AKAP19: variants seen among roughly 807,000 people sequenced by gnomAD.
AKAP19 encodes the protein small A-kinase anchoring protein.
At chr2:189,903,972 T>C in the AKAP19 span, among the ~76,000 whole-genome samples, 2 of 152,136 alleles carry the variant, frequency 1.3e-5, no homozygotes, top group Non-Finnish European at 2.9e-5. Context: ...ATTATGTGTA[T>C]AACTTGTAGA....
At chr2:190,180,555 C>A in the AKAP19 span, 1 of 985,820 alleles carries the variant, frequency 1.0e-6, no homozygotes, top group Non-Finnish European at 1.2e-6. The surrounding 1 kb of genome is among the most constrained non-coding windows in gnomAD (Gnocchi z 6.8). Context: ...CGCTGCGGCG[C>A]CGGCAGCTGC....
the AKAP19 span, among the ~76,000 whole-genome samples, chr2:190,176,199 A>G: frequency 1.3e-5 from 2 of 152,228 alleles, no homozygotes; most frequent in Non-Finnish European, 2.9e-5. The surrounding 1 kb of genome is among the most constrained non-coding windows in gnomAD (Gnocchi z 4.7). Context: ...ATGATTTGCA[A>G]TTTGATTCTG....
chr2:189,899,677 T>A, the AKAP19 span, among the ~76,000 whole-genome samples: 1 of 152,238 alleles, frequency 6.6e-6, no homozygotes, highest in South Asian at 2.1e-4. Flanking sequence ...GTTGCCCTTT[T>A]TCATCTCTGT....
the AKAP19 span, among the ~76,000 whole-genome samples, chr2:190,005,523 A>C: frequency 3.3e-5 from 5 of 152,326 alleles, no homozygotes; most frequent in South Asian, 4.1e-4. Flanking sequence ...CCTCAGCCTC[A>C]TTCCACTTCT....
the AKAP19 span, among the ~76,000 whole-genome samples, chr2:190,077,350 C>A: frequency 2.6e-5 from 4 of 151,966 alleles, no homozygotes; most frequent in African/African-American, 9.7e-5. Flanking sequence ...GTTGGGATTA[C>A]AGGTGCCTGC....
At chr2:189,993,698 G>T in the AKAP19 span, among the ~76,000 whole-genome samples, 3 of 151,932 alleles carry the variant, frequency 2.0e-5, no homozygotes, top group African/African-American at 7.3e-5. Flanking sequence ...CTTGTTATTT[G>T]TCTGTTCAGT....
chr2:190,071,771 T>G, the AKAP19 span, among the ~76,000 whole-genome samples: 4 of 152,090 alleles, frequency 2.6e-5, no homozygotes, highest in Non-Finnish European at 4.4e-5. Flanking sequence ...GGGTTTATAA[T>G]GTACACAAGA....
the AKAP19 span, among the ~76,000 whole-genome samples, chr2:190,038,907 C>CTTTCTTTCTTTCTTTCTTTCT: frequency 4.2e-4 from 32 of 75,972 alleles, no homozygotes; most frequent in African/African-American, 2.9e-3. Context: ...TTTCTTTCTT[C>CTTTCTTTCTTTCTTTCTTTCT]TTCTTCTTCT....
At chr2:190,098,181 G>A in the AKAP19 span, among the ~76,000 whole-genome samples, 468 of 152,150 alleles carry the variant, frequency 3.1e-3, 5 homozygotes, top group African/African-American at 0.011. Context: ...ACTTTGCCCA[G>A]ATTTATCAGA....
At chr2:190,095,048 C>T in the AKAP19 span, among the ~76,000 whole-genome samples, 1 of 152,124 alleles carries the variant, frequency 6.6e-6, no homozygotes, top group African/African-American at 2.4e-5. Context: ...TATGGTGAAA[C>T]CCCATCTCTA....
chr2:189,941,261 C>A, the AKAP19 span, among the ~76,000 whole-genome samples: 2 of 152,050 alleles, frequency 1.3e-5, no homozygotes, highest in African/African-American at 4.8e-5. Context: ...CAAGCTAACA[C>A]GTGAAAAGAA....
At chr2:189,987,566 C>T in the AKAP19 span, among the ~76,000 whole-genome samples, 5 of 152,152 alleles carry the variant, frequency 3.3e-5, no homozygotes, top group Non-Finnish European at 5.9e-5. Context: ...TCTCCTATTC[C>T]CACTCTGTCC....
chr2:190,025,991 CTT>C, the AKAP19 span, among the ~76,000 whole-genome samples: 1 of 152,286 alleles, frequency 6.6e-6, no homozygotes, highest in East Asian at 1.9e-4. Context: ...GTCTTCATGA[CTT>C]TGAGCATTCT....
At chr2:190,180,557 G>A in the AKAP19 span, 1 of 985,820 alleles carries the variant, frequency 1.0e-6, no homozygotes, top group South Asian at 4.7e-5. The surrounding 1 kb of genome is among the most constrained non-coding windows in gnomAD (Gnocchi z 6.8). Context: ...CTGCGGCGCC[G>A]GCAGCTGCTT....
At chr2:189,883,985 A>G in the AKAP19 span, among the ~76,000 whole-genome samples, 3 of 152,212 alleles carry the variant, frequency 2.0e-5, no homozygotes, top group African/African-American at 7.2e-5. Flanking sequence ...ATATTCAGAT[A>G]GAATTTTCTA....
the AKAP19 span, among the ~76,000 whole-genome samples, chr2:190,176,559 A>G: frequency 6.6e-6 from 1 of 152,182 alleles, no homozygotes; most frequent in Non-Finnish European, 1.5e-5. The surrounding 1 kb of genome is among the most constrained non-coding windows in gnomAD (Gnocchi z 4.7). Context: ...TATGTTGGCC[A>G]GGCTGGTCTC....
chr2:190,105,640 T>G, the AKAP19 span, among the ~76,000 whole-genome samples: 2 of 152,224 alleles, frequency 1.3e-5, no homozygotes, highest in African/African-American at 2.4e-5. Flanking sequence ...CTTCTTTACC[T>G]GAATTGATAT....
chr2:189,919,051 A>C, the AKAP19 span, among the ~76,000 whole-genome samples: 1 of 152,228 alleles, frequency 6.6e-6, no homozygotes, highest in Non-Finnish European at 1.5e-5. Context: ...AAATTTTGGC[A>C]CATTCTGAAT....
the AKAP19 span, among the ~76,000 whole-genome samples, chr2:189,929,292 A>G: frequency 2.6e-5 from 4 of 152,126 alleles, no homozygotes; most frequent in East Asian, 7.7e-4. Flanking sequence ...ATGGTTCAAG[A>G]CAAGAGGGAA....
Sources: allele counts gnomAD v4.1 joint callset (sites outside exome capture counted in the v4.1 genomes callset), GRCh38; gene constraint gnomAD v4.1.1; non-coding constraint Gnocchi (gnomAD v3.1); transcripts MANE v1.5; gene names NCBI Gene and HGNC (gene_info 2026-07-23, HGNC 2026-07-21).